The following SEMA3E variants were observed in gnomAD, a reference collection of about 807,000 sequenced individuals.
SEMA3E encodes semaphorin 3E.
A neutral mutation model predicts 93.6 loss-of-function variants in SEMA3E; 49 were observed. That is an observed-to-expected ratio of 0.52 (90% CI 0.42 to 0.66). The LOEUF (loss-of-function observed/expected upper bound fraction) is 0.66, where lower values mean the gene tolerates loss of function less well. SEMA3E is among the 30% of genes least tolerant of loss of function. The pLI, the probability that SEMA3E is intolerant of heterozygous loss-of-function variation, is 0.00. For synonymous variants in SEMA3E, 363 were observed against 330.7 expected (o/e 1.10, Z -1.06); for missense variants, 906 against 964.8 (o/e 0.94, Z 0.81).
Position 83,648,519 on chromosome 7 carries a change from G to A in SEMA3E, c.24C>T (p.Ile8=). The change falls in exon 1 of 17, where the codon ATC becomes ATT. Residue 8 remains isoleucine (I), a synonymous_variant. Transcript: ENST00000643230. ...GTAAGTAACCCCACAGGAGCAAGGT[G>A]ATAATGTGCCCCGCGGATGCCATGC... MASAGHI[I]TLLLWGYLLE... 1 of 1,613,480 alleles carries A rather than the reference G, an allele frequency of 6.2e-7. No individual in the cohort carries two copies. Among genetic ancestry groups the A allele is most frequent in the South Asian group, 1.1e-5 (1 of 91,048 alleles).
intron 1 of SEMA3E, among the ~76,000 whole-genome samples, chr7:83,627,488 T>G (rs2115657295): frequency 6.6e-6 from 1 of 152,286 alleles, no homozygotes; most frequent in Non-Finnish European, 1.5e-5. Context: ...GGTGTTCCTC[T>G]ATTAGGTGCA....
At chr7:83,530,303 A>G (rs1791261487) in intron 1 of SEMA3E, among the ~76,000 whole-genome samples, 1 of 152,198 alleles carries the variant, frequency 6.6e-6, no homozygotes, top group Admixed American at 6.6e-5. Context: ...AACGTCTTAA[A>G]TAACCAGTAG....
At chr7:83,455,699 CCT>C (rs1789464922) in intron 4 of SEMA3E, among the ~76,000 whole-genome samples, 1 of 152,154 alleles carries the variant, frequency 6.6e-6, no homozygotes, top group African/African-American at 2.4e-5. Flanking sequence ...TGTATGATTC[CCT>C]CTTAGTAAAC....
chr7:83,455,173 T>C (rs570688253), intron 4 of SEMA3E, among the ~76,000 whole-genome samples: 1 of 152,352 alleles, frequency 6.6e-6, no homozygotes, highest in South Asian at 2.1e-4. Context: ...TACTTAAAAC[T>C]TAATATAAAT....
intron 1 of SEMA3E, among the ~76,000 whole-genome samples, chr7:83,537,658 C>T (rs1400515512): frequency 1.3e-5 from 2 of 152,130 alleles, no homozygotes; most frequent in Admixed American, 1.3e-4. Flanking sequence ...GGTTTCTTTC[C>T]TGCTTCTCAA....
At chr7:83,420,252 C>A (rs1788646648) in intron 4 of SEMA3E, among the ~76,000 whole-genome samples, 1 of 152,030 alleles carries the variant, frequency 6.6e-6, no homozygotes. Context: ...TGAAAAATCT[C>A]TACAAGGTGA....
intron 13 of SEMA3E, among the ~76,000 whole-genome samples, chr7:83,393,752 G>T (rs1000233218): frequency 6.6e-6 from 1 of 152,110 alleles, no homozygotes; most frequent in Non-Finnish European, 1.5e-5. Context: ...TGTTTCTAAA[G>T]AAGTTTACAC....
chr7:83,462,922 C>T (rs201411868), intron 4 of SEMA3E, among the ~76,000 whole-genome samples: 7,641 of 109,564 alleles, frequency 0.07, 473 homozygotes, highest in East Asian at 0.2. Flanking sequence ...AACATGCTTT[C>T]TTTACTATTC....
chr7:83,589,880 G>C (rs1728826713), intron 1 of SEMA3E, among the ~76,000 whole-genome samples: 1 of 152,046 alleles, frequency 6.6e-6, no homozygotes, highest in South Asian at 2.1e-4. Flanking sequence ...AACAATGCAT[G>C]CTTGGTCTAA....
At chr7:83,513,718 A>G (rs532996412) in intron 1 of SEMA3E, among the ~76,000 whole-genome samples, 32 of 152,360 alleles carry the variant, frequency 2.1e-4, no homozygotes, top group African/African-American at 7.7e-4. Context: ...AATTTTAGAC[A>G]ATAATTATAA....
chr7:83,389,982 CGCGTATATGTGTAT>C, intron 14 of SEMA3E, among the ~76,000 whole-genome samples: 2 of 109,194 alleles, frequency 1.8e-5, no homozygotes, highest in Non-Finnish European at 4.1e-5. Flanking sequence ...CACATATATA[CGCGTATATGTGTAT>C]ACGTATACAC....
At chr7:83,387,526 A>G (rs1787905261) in intron 14 of SEMA3E, among the ~76,000 whole-genome samples, 1 of 152,086 alleles carries the variant, frequency 6.6e-6, no homozygotes, top group Non-Finnish European at 1.5e-5. Context: ...AGCCATTATA[A>G]TCAATTAGTA....
At chr7:83,618,926 T>A (rs2058352548) in intron 1 of SEMA3E, among the ~76,000 whole-genome samples, 1 of 151,910 alleles carries the variant, frequency 6.6e-6, no homozygotes, top group Non-Finnish European at 1.5e-5. Context: ...TGCACACACA[T>A]GTATATGTGT....
intron 1 of SEMA3E, among the ~76,000 whole-genome samples, chr7:83,545,146 A>G (rs1414324617): frequency 2.0e-5 from 3 of 152,084 alleles, no homozygotes; most frequent in African/African-American, 4.8e-5. Context: ...TGAAGATGTG[A>G]TTTTATTGTG....
At chr7:83,461,716 G>A (rs1033432560) in intron 4 of SEMA3E, among the ~76,000 whole-genome samples, 1 of 151,960 alleles carries the variant, frequency 6.6e-6, no homozygotes, top group African/African-American at 2.4e-5. Context: ...ATCTGCTCCC[G>A]ACATTAAATA....
chr7:83,590,181 AG>A (rs1306475257), intron 1 of SEMA3E, among the ~76,000 whole-genome samples: 11 of 152,194 alleles, frequency 7.2e-5, no homozygotes, highest in Non-Finnish European at 1.2e-4. Context: ...TGAATTAAAA[AG>A]TGAAAGTGCT....
chr7:83,630,460 G>C (rs1386230725), intron 1 of SEMA3E, among the ~76,000 whole-genome samples: 1 of 152,094 alleles, frequency 6.6e-6, no homozygotes, highest in East Asian at 1.9e-4. Flanking sequence ...AGCATCTGAA[G>C]GCAATATACT....
chr7:83,447,004 T>C (rs1299627816), intron 4 of SEMA3E, among the ~76,000 whole-genome samples: 3 of 152,136 alleles, frequency 2.0e-5, no homozygotes. Context: ...CTATATACTA[T>C]TTTGGATTTA....
intron 1 of SEMA3E, among the ~76,000 whole-genome samples, chr7:83,639,653 G>C (rs1251147258): frequency 6.7e-6 from 1 of 149,624 alleles, no homozygotes; most frequent in African/African-American, 2.5e-5. Context: ...TCATCTTTGT[G>C]ATACATTTAA....
Sources: gnomAD v4.1 joint callset for allele counts (sites outside exome capture counted in the v4.1 genomes callset) on GRCh38, gnomAD v4.1.1 for gene constraint, MANE v1.5 for transcripts, NCBI Gene and HGNC (gene_info 2026-07-23, HGNC 2026-07-21) for gene names.